Variants in TP53BP1 observed in about 807,000 individuals in gnomAD.
TP53BP1 encodes the protein tumor protein p53 binding protein 1, also known as TP53-binding protein 1.
Under a neutral mutation model 200.8 loss-of-function variants are expected in TP53BP1, and 61 were observed. The observed-to-expected ratio is 0.30, with a 90% confidence interval of 0.25 to 0.38. The LOEUF is 0.38. Ranked by LOEUF, TP53BP1 falls within the 10% of genes least tolerant of loss-of-function variation. The probability of loss-of-function intolerance (pLI) is 1.00; values close to 1 mark genes in which losing one functional copy is unlikely to be tolerated. For synonymous variants in TP53BP1, 822 were observed against 844.3 expected (o/e 0.97, Z 0.46); for missense variants, 2,144 against 2,371.9 (o/e 0.90, Z 2.00).
Position 43,447,418 on chromosome 15 carries a change from T to G in TP53BP1, c.2784A>C (p.Pro928=), listed in dbSNP as rs774420038. The G allele has an allele frequency of 6.3e-7, 1 of 1,590,944 alleles. No homozygotes were observed. The highest frequency in any genetic ancestry group is 8.5e-7 in the Non-Finnish European group (1 of 1,174,988). Residue 928 remains proline, a synonymous_variant, in exon 13 of 28, where the codon CCA becomes CCC. Transcript: ENST00000382044. ...CCAATTTTAGGTGCCCAATAAGAGG[T>G]GGGGTTGCACCAGTCAATGGTGGGA... ...DIIPPLTGAT[P]PLIGHLKLEP...
chr15:43,488,840 G>A (rs554478103), intron 4 of TP53BP1, among the ~76,000 whole-genome samples: 1 of 152,196 alleles, frequency 6.6e-6, no homozygotes, highest in African/African-American at 2.4e-5. Flanking sequence ...GTTGCAGTGA[G>A]CCAAGATCAC....
Position 43,475,705 on chromosome 15 carries a change from G to T in TP53BP1, c.956-11C>A. On this transcript the variant is annotated splice_polypyrimidine_tract_variant and intron_variant, in intron 8 of 27. Transcript: ENST00000382044. ...AACCATCAGAAGATACTGAAAAAAA[G>T]AAATTCCAGTTGCACTTCTCAGATT... The T allele has an allele frequency of 6.2e-7, 1 of 1,613,198 alleles. No individual in the cohort carries two copies. The highest frequency in any genetic ancestry group is 1.1e-5 in the South Asian group (1 of 91,032).
Position 43,451,167 on chromosome 15 carries a change from C to T in TP53BP1, c.2717-3682G>A, listed in dbSNP as rs182203856. Among the ~76,000 whole-genome samples, 473 of 152,080 alleles carry T rather than the reference C, an allele frequency of 3.1e-3. 3 individuals carry two copies. The highest frequency in any genetic ancestry group is 5.3e-3 in the Admixed American group (81 of 15,278). On this transcript the variant is annotated intron_variant, in intron 12 of 27. Transcript: ENST00000382044. ...CATTCTGTCTTTTCAGACTGAAGAA[C>T]CATTACTTTTTTTCTTTTTTTTTTT...
chr15:43,424,169 T>G (rs1185250480), intron 18 of TP53BP1, among the ~76,000 whole-genome samples: 1 of 152,222 alleles, frequency 6.6e-6, no homozygotes, highest in Non-Finnish European at 1.5e-5. Context: ...TAGCAGAGAC[T>G]GGTTTCTTTC....
intron 11 of TP53BP1, among the ~76,000 whole-genome samples, chr15:43,459,639 T>G (rs2046382963): frequency 6.6e-6 from 1 of 151,820 alleles, no homozygotes; most frequent in Admixed American, 6.6e-5. Flanking sequence ...ACACACTTCC[T>G]GATTCCAATT....
upstream of TP53BP1, among the ~76,000 whole-genome samples, chr15:43,495,331 C>A (rs2439836): frequency 0.26 from 38,985 of 149,154 alleles, 8,033 homozygotes; most frequent in African/African-American, 0.58. Flanking sequence ...AACCCCGCCT[C>A]TACTAAAAAT....
Position 43,404,697 on chromosome 15 carries a change from A to G in TP53BP1, c.*2686T>C. 7.2e-6 allele frequency: 6 copies of G among 837,576 alleles called. No homozygotes were observed. The South Asian group carries it at 1.2e-4, about 17-fold the overall frequency. The allele number at this position is 837,576 out of a possible 1,614,324, so 51.9% of individuals were successfully genotyped here. A position where few individuals can be genotyped will look rare whatever the true frequency, so the allele number is the denominator to read the frequency against. ...AGAGATAGAGGTGTGACCATCTTTA[A>G]TAATTTTAATGGAGGTTATTTTCTA... On this transcript the variant is annotated 3_prime_UTR_variant, in exon 28 of 28. Transcript: ENST00000382044.
chr15:43,466,949 TAGGAAG>T (rs1040267184), intron 11 of TP53BP1, among the ~76,000 whole-genome samples: 9 of 152,246 alleles, frequency 5.9e-5, no homozygotes, highest in Non-Finnish European at 8.8e-5. Flanking sequence ...TATCTTTGGG[TAGGAAG>T]AGGAAGAGGC....
chr15:43,471,692 T>C (rs749259501), intron 10 of TP53BP1, among the ~76,000 whole-genome samples: 2 of 152,182 alleles, frequency 1.3e-5, no homozygotes, highest in Non-Finnish European at 2.9e-5. Flanking sequence ...CCTCCCAAAG[T>C]ATTGGGATTA....
chr15:43,492,151 AC>A, intron 2 of TP53BP1, 56 bp from the exon 3 acceptor site: 1 of 1,516,066 alleles, frequency 6.6e-7, no homozygotes, highest in Non-Finnish European at 9.1e-7. Flanking sequence ...TCAAAATGAA[AC>A]CTACTATTTG....
Position 43,446,486 on chromosome 15 carries a change from C to G in TP53BP1, c.2941G>C (p.Gly981Arg). ...PILGSGKGDS[G>R]AAPDVDDKLC... ...TTATCATCCACGTCTGGGGCAGCCC[C>G]AGAATCCCCTTTTCCACTCCCAAGT... Residue 981 changes from glycine to arginine, a missense_variant, in exon 14 of 28, where the codon GGG becomes CGG. Coordinates refer to ENST00000382044, the MANE Select transcript of TP53BP1 (RefSeq NM_001141980.3). 1.9e-6 allele frequency: 3 copies of G among 1,614,204 alleles called. No individual in the cohort carries two copies. Among genetic ancestry groups the G allele is most frequent in the Non-Finnish European group, 2.5e-6 (3 of 1,180,038 alleles).
At chr15:43,497,311 C>T (rs146907346), upstream of TP53BP1, 42 of 532,596 alleles carry the variant, frequency 7.9e-5, no homozygotes, top group East Asian at 5.9e-3. Flanking sequence ...ACCTGGGAGG[C>T]AGAGGTTGCA....
upstream of TP53BP1, chr15:43,493,287 G>A (rs2079155387): frequency 1.6e-5 from 21 of 1,337,228 alleles, no homozygotes; most frequent in East Asian, 4.7e-4. Flanking sequence ...GGAACACGGC[G>A]GCGCGTTTCC....
At chr15:43,413,660 AAG>A (rs1248469612) in intron 23 of TP53BP1, among the ~76,000 whole-genome samples, 1 of 152,232 alleles carries the variant, frequency 6.6e-6, no homozygotes, top group African/African-American at 2.4e-5. Flanking sequence ...CATCTGAAGA[AAG>A]AGGTGGTTCT....
rs748537441 is a variant in TP53BP1, at chr15:43,456,167, C to T, written c.2441G>A (p.Ser814Asn). Residue 814 changes from serine to asparagine, a missense_variant, in exon 12 of 28, where the codon AGT (serine) becomes AAT (asparagine). Around this residue, in one of 4 missense-constraint regions of TP53BP1, gnomAD observed 1,700 missense variants for 1,710.3 expected, o/e 0.99. Coordinates refer to ENST00000382044, the MANE Select transcript of TP53BP1 (RefSeq NM_001141980.3). Reference sequence around the variant, plus strand: ...TTTCAGATCTCCTTCATATTCTACACTCTTTTCTTCCTTGGTGTCTAATCT... The same window carrying T: ...TTTCAGATCTCCTTCATATTCTACATTCTTTTCTTCCTTGGTGTCTAATCT... ...ENRLDTKEEK[S>N]VEYEGDLKSG... 6.8e-6 allele frequency: 11 copies of T among 1,614,198 alleles called. No homozygotes were observed. The highest frequency in any genetic ancestry group is 1.3e-5 in the African/African-American group (1 of 75,066).
At chr15:43,471,513 GC>G (rs2046725423) in intron 10 of TP53BP1, among the ~76,000 whole-genome samples, 1 of 151,594 alleles carries the variant, frequency 6.6e-6, no homozygotes, top group Non-Finnish European at 1.5e-5. Context: ...TGCAACCTCC[GC>G]CTCCCAGGTT....
At chr15:43,492,521 C>A in intron 1 of TP53BP1, 53 bp from the exon 2 acceptor site, 1 of 1,508,152 alleles carries the variant, frequency 6.6e-7, no homozygotes. Context: ...GCCTTGCTCA[C>A]GCAGTCTAAA....
intron 24 of TP53BP1, among the ~76,000 whole-genome samples, chr15:43,410,422 T>A (rs2045080574): frequency 1.3e-5 from 2 of 151,916 alleles, no homozygotes; most frequent in South Asian, 4.2e-4. Context: ...GTCTTGAGAG[T>A]GAAGTAGAAG....
chr15:43,412,816 A>G, intron 24 of TP53BP1: 1 of 502,558 alleles, frequency 2.0e-6, no homozygotes, highest in Non-Finnish European at 4.0e-6. Flanking sequence ...TGTGGACAAA[A>G]AAAACACAAT....
Sources: allele counts gnomAD v4.1 joint callset (sites outside exome capture counted in the v4.1 genomes callset), GRCh38; gene constraint gnomAD v4.1.1; regional missense constraint gnomAD v4.1.1; transcripts MANE v1.5; gene names NCBI Gene and HGNC (gene_info 2026-07-23, HGNC 2026-07-21).